Variants in UNC79 observed in about 807,000 individuals in gnomAD.
The protein encoded by UNC79 is unc-79 subunit of NALCN channel complex.
In UNC79, 37 loss-of-function variants were observed where a neutral mutation model predicts 283.1. The ratio of observed to expected loss-of-function variants is 0.13; its 90% CI spans 0.10 to 0.17. The LOEUF is 0.17. Ranked by LOEUF, UNC79 falls within the 10% of genes least tolerant of loss-of-function variation. UNC79 has a pLI of 1.00. For missense variants in UNC79, 2,272 were observed against 3,211.1 expected (o/e 0.71, Z 7.07); for synonymous variants, 1,107 against 1,200.2 (o/e 0.92, Z 1.61).
Position 93,653,879 on chromosome 14 carries a change from GCAC to G in UNC79, c.6196+29_6196+31del, listed in dbSNP as rs1322944172. ...GGTAATTCATCCACTGAGGATCCAG[GCAC>G]CACAAATTTGCCTCATCCCAGACAC... is the stretch of plus-strand genomic sequence containing the variant. On this transcript the variant is annotated intron_variant, in intron 36 of 48. Transcript: ENST00000555664. 5 of 1,613,912 alleles carry G rather than the reference GCAC, an allele frequency of 3.1e-6. No homozygotes were observed. The Admixed American group carries it at 6.7e-5, about 22-fold the overall frequency.
At chr14:93,575,316 C>A in intron 17 of UNC79, 118 bp downstream of exon 17, 1 of 1,259,208 alleles carries the variant, frequency 7.9e-7, no homozygotes, top group Non-Finnish European at 1.1e-6. Flanking sequence ...CAGCCCATCT[C>A]GCTGTGTTCA....
intron 1 of UNC79, among the ~76,000 whole-genome samples, chr14:93,449,823 G>A (rs1194407722): frequency 6.6e-6 from 1 of 152,182 alleles, no homozygotes; most frequent in Non-Finnish European, 1.5e-5. Flanking sequence ...GAAAATGTTA[G>A]AAAGGGACTT....
At chr14:93,668,103 A>G (rs2072413889) in intron 40 of UNC79, among the ~76,000 whole-genome samples, 1 of 152,220 alleles carries the variant, frequency 6.6e-6, no homozygotes, top group Admixed American at 6.5e-5. Flanking sequence ...ATAAGATGAG[A>G]AAGTCTATCA....
chr14:93,669,693 A>T (rs560663890), intron 40 of UNC79, among the ~76,000 whole-genome samples: 37 of 152,256 alleles, frequency 2.4e-4, no homozygotes, highest in East Asian at 1.2e-3. Context: ...AAAAAATTTT[A>T]AAAAAATTAG....
chr14:93,582,905 G>A (rs375717451), intron 20 of UNC79, among the ~76,000 whole-genome samples: 11 of 152,174 alleles, frequency 7.2e-5, no homozygotes, highest in African/African-American at 2.4e-4. Flanking sequence ...GTGACCCCAC[G>A]TGCCTCTGGG....
intron 14 of UNC79, among the ~76,000 whole-genome samples, chr14:93,561,192 G>T (rs1052292530): frequency 2.0e-5 from 3 of 152,210 alleles, no homozygotes; most frequent in Admixed American, 1.3e-4. Flanking sequence ...GAGATGAAGA[G>T]TGAAGGAACA....
At chr14:93,519,077 G>T (rs184259287) in intron 7 of UNC79, among the ~76,000 whole-genome samples, 2 of 151,938 alleles carry the variant, frequency 1.3e-5, no homozygotes, top group East Asian at 3.9e-4. Flanking sequence ...TTATATATTT[G>T]CTGATTTTCT....
chr14:93,499,875 G>A (rs1270834707), intron 7 of UNC79, among the ~76,000 whole-genome samples: 3 of 152,086 alleles, frequency 2.0e-5, no homozygotes, highest in Non-Finnish European at 4.4e-5. Context: ...AGAAACGGGT[G>A]AGGCATGAGT....
At position 93,685,204 on chromosome 14, in the gene UNC79, A is replaced by G. The variant is rs543904507; in HGVS notation, c.6820-1368A>G. Among the ~76,000 whole-genome samples, 3 of 152,326 alleles carry G rather than the reference A, an allele frequency of 2.0e-5. No individual in the cohort carries two copies. In the South Asian group the frequency reaches 6.2e-4, roughly 32 times the overall value. ...AAGACAAATATTGAATAATGCTCCT[A>G]GGAATTATTTTCAGTGACATTTGCC... On this transcript the variant is annotated intron_variant, in intron 42 of 48. Coordinates refer to ENST00000555664, the Ensembl canonical transcript of UNC79.
At chr14:93,553,114 T>C (rs1280938947) in intron 14 of UNC79, among the ~76,000 whole-genome samples, 1 of 152,232 alleles carries the variant, frequency 6.6e-6, no homozygotes, top group African/African-American at 2.4e-5. Flanking sequence ...AACAACTATA[T>C]TGCCATAAGT....
At chr14:93,540,559 C>A in intron 12 of UNC79, 101 bp from the exon 13 acceptor site, 2 of 1,320,276 alleles carry the variant, frequency 1.5e-6, no homozygotes, top group Non-Finnish European at 2.1e-6. Flanking sequence ...GAAGAGCAAT[C>A]CAGGATGCTT....
chr14:93,595,076 CTT>C (rs547051985), intron 23 of UNC79, among the ~76,000 whole-genome samples: 3 of 142,836 alleles, frequency 2.1e-5, no homozygotes, highest in East Asian at 2.0e-4. Flanking sequence ...TCTTTCTTTC[CTT>C]TTTTTTTTTT....
intron 35 of UNC79, 126 bp downstream of exon 38, chr14:93,646,772 G>A (rs1291109246): frequency 1.3e-5 from 13 of 970,516 alleles, no homozygotes; most frequent in Non-Finnish European, 1.9e-5. Flanking sequence ...CACTTTGGGA[G>A]GCCAGGGTGG....
intron 1 of UNC79, among the ~76,000 whole-genome samples, chr14:93,414,656 A>G (rs2140056442): frequency 6.6e-6 from 1 of 152,178 alleles, no homozygotes; most frequent in East Asian, 1.9e-4. Context: ...CTTCCTACTC[A>G]TGAGCATGGA....
chr14:93,418,755 G>T (rs372672950), intron 1 of UNC79, among the ~76,000 whole-genome samples: 3 of 151,760 alleles, frequency 2.0e-5, no homozygotes, highest in African/African-American at 7.3e-5. Flanking sequence ...CCTCGCTGCC[G>T]CCTTGCAGTT....
At chr14:93,459,482 A>G (rs2056886071) in intron 1 of UNC79, among the ~76,000 whole-genome samples, 1 of 152,218 alleles carries the variant, frequency 6.6e-6, no homozygotes, top group Non-Finnish European at 1.5e-5. Flanking sequence ...TGAACAATAG[A>G]ATAGGGGAAG....
At chr14:93,527,924 A>C (rs926701519) in intron 8 of UNC79, among the ~76,000 whole-genome samples, 2 of 152,070 alleles carry the variant, frequency 1.3e-5, no homozygotes, top group Admixed American at 6.6e-5. Context: ...CGTGAAACCC[A>C]GCTGTATCAA....
intron 1 of UNC79, among the ~76,000 whole-genome samples, chr14:93,350,719 A>C (rs917599651): frequency 6.6e-6 from 1 of 152,138 alleles, no homozygotes; most frequent in African/African-American, 2.4e-5. Context: ...TTAGATTCGT[A>C]TCTCAGAGGT....
chr14:93,540,143 C>G (rs1208465329), intron 12 of UNC79, among the ~76,000 whole-genome samples: 1 of 152,168 alleles, frequency 6.6e-6, no homozygotes, highest in African/African-American at 2.4e-5. Context: ...TAAAACTTAC[C>G]AATACTGAGT....
Sources: gnomAD v4.1 joint callset for allele counts (sites outside exome capture counted in the v4.1 genomes callset) on GRCh38, gnomAD v4.1.1 for gene constraint, MANE v1.5 for transcripts, NCBI Gene and HGNC (gene_info 2026-07-23, HGNC 2026-07-21) for gene names.